The following ROBO2 variants were observed in gnomAD, a reference collection of about 807,000 sequenced individuals.
ROBO2 encodes roundabout guidance receptor 2.
ROBO2 carries 53 observed loss-of-function variants against 160.8 expected under a neutral mutation model. The ratio of observed to expected loss-of-function variants is 0.33; its 90% CI spans 0.26 to 0.41. The LOEUF (loss-of-function observed/expected upper bound fraction) is 0.41, where lower values mean the gene tolerates loss of function less well. ROBO2 is among the 10% of genes least tolerant of loss of function. The probability of loss-of-function intolerance (pLI) is 1.00; values close to 1 mark genes in which losing one functional copy is unlikely to be tolerated. For missense variants in ROBO2, 1,577 were observed against 1,722.4 expected (o/e 0.92, Z 1.49); for synonymous variants, 664 against 611.7 (o/e 1.09, Z -1.26).
chr3:76,808,925 G>A (rs1300907217), intron 2 of ROBO2, among the ~76,000 whole-genome samples: 1 of 152,068 alleles, frequency 6.6e-6, no homozygotes, highest in South Asian at 2.1e-4. Context: ...TGGAAATATA[G>A]CACTAACCTT....
intron 2 of ROBO2, among the ~76,000 whole-genome samples, chr3:76,781,984 G>A (rs1481552738): frequency 6.6e-6 from 1 of 150,678 alleles, no homozygotes; most frequent in Non-Finnish European, 1.5e-5. Context: ...GAAGCCATCG[G>A]ATCATGGCTT....
chr3:77,368,386 G>GA (rs1560640549), intron 2 of ROBO2, among the ~76,000 whole-genome samples: 3 of 151,980 alleles, frequency 2.0e-5, no homozygotes, highest in Admixed American at 6.6e-5. Flanking sequence ...TTGTATCATT[G>GA]AAAAACTTTG....
At chr3:76,211,678 T>C (rs1394990637) in intron 2 of ROBO2, among the ~76,000 whole-genome samples, 1 of 152,106 alleles carries the variant, frequency 6.6e-6, no homozygotes, top group Non-Finnish European at 1.5e-5. Context: ...TACAGACTTT[T>C]AGAGGTATTT....
At position 76,912,293 on chromosome 3, in the gene ROBO2, T is replaced by C. The variant is rs549748718; in HGVS notation, c.110-185721T>C. Among the ~76,000 whole-genome samples, 26 of 152,306 alleles carry C rather than the reference T, an allele frequency of 1.7e-4. No individual in the cohort carries two copies. In the East Asian group the frequency reaches 5.0e-3, roughly 29 times the overall value. ...ACAAGTGAAAATTTTTTAGTTCTAG[T>C]GATACAATAAGGTTTTATATTCAGA... On this transcript the variant is annotated intron_variant, in intron 2 of 26. Transcript: ENST00000487694.
At chr3:75,982,720 G>A (rs550035820) in intron 2 of ROBO2, among the ~76,000 whole-genome samples, 1 of 151,576 alleles carries the variant, frequency 6.6e-6, no homozygotes, top group East Asian at 1.9e-4. Flanking sequence ...GAATGCAAAA[G>A]TTTGGTAACA....
chr3:76,884,120 T>C (rs1005894905), intron 2 of ROBO2, among the ~76,000 whole-genome samples: 4 of 152,234 alleles, frequency 2.6e-5, no homozygotes, highest in Admixed American at 2.6e-4. Context: ...ATATGCTTTT[T>C]TGATAGATGA....
chr3:76,358,685 GT>G (rs1409251905), intron 2 of ROBO2, among the ~76,000 whole-genome samples: 2 of 151,900 alleles, frequency 1.3e-5, no homozygotes, highest in Non-Finnish European at 2.9e-5. Flanking sequence ...CAATATATAT[GT>G]TTCTAAACAT....
intron 2 of ROBO2, among the ~76,000 whole-genome samples, chr3:76,467,568 G>T (rs1359235131): frequency 6.6e-6 from 1 of 152,072 alleles, no homozygotes; most frequent in African/African-American, 2.4e-5. Flanking sequence ...TGCCATTTCT[G>T]AGCCAGACAA....
At chr3:76,954,258 A>C (rs1247662839) in intron 2 of ROBO2, among the ~76,000 whole-genome samples, 1 of 152,030 alleles carries the variant, frequency 6.6e-6, no homozygotes, top group African/African-American at 2.4e-5. Context: ...ATGTCCCAAT[A>C]GGTTTTCTTT....
At chr3:77,066,969 C>T (rs2066912273) in intron 1 of ROBO2, among the ~76,000 whole-genome samples, 2 of 150,332 alleles carry the variant, frequency 1.3e-5, no homozygotes, top group South Asian at 2.1e-4. Flanking sequence ...ATTCTTTTCC[C>T]CTCCCCCCTC....
intron 2 of ROBO2, among the ~76,000 whole-genome samples, chr3:76,692,331 C>T (rs1296798854): frequency 3.3e-5 from 5 of 152,070 alleles, no homozygotes; most frequent in African/African-American, 1.2e-4. Context: ...ATTGGATTAA[C>T]CCCAAAACCT....
intron 14 of ROBO2, 115 bp downstream of exon 15, chr3:77,574,845 G>A: frequency 2.5e-6 from 2 of 785,738 alleles, no homozygotes; most frequent in South Asian, 1.6e-5. Flanking sequence ...AGTAAATTGA[G>A]GAAGTGTCGT....
chr3:77,449,515 A>C (rs1341993091), intron 2 of ROBO2, among the ~76,000 whole-genome samples: 1 of 152,028 alleles, frequency 6.6e-6, no homozygotes, highest in Admixed American at 6.6e-5. Flanking sequence ...AGTTTCATTC[A>C]AAAAAGGGAA....
chr3:76,479,118 T>C (rs1019089665), intron 2 of ROBO2, among the ~76,000 whole-genome samples: 3 of 152,204 alleles, frequency 2.0e-5, no homozygotes, highest in Admixed American at 6.6e-5. Context: ...TCCTTTCACA[T>C]ATCTTAACAA....
At chr3:76,937,443 CAG>C (rs1412946217) in intron 2 of ROBO2, among the ~76,000 whole-genome samples, 2 of 152,110 alleles carry the variant, frequency 1.3e-5, no homozygotes, top group East Asian at 1.9e-4. Flanking sequence ...CAGCTATAAT[CAG>C]AGTCTATTAT....
chr3:77,588,733 C>T lies in ROBO2; in HGVS notation c.2501-18C>T. ...ATTTTCGTTTTAATATATACTAATACTATGGTTTTTTCCATAGGGAGACGC... is the reference window on the plus strand; with the variant it reads ...ATTTTCGTTTTAATATATACTAATATTATGGTTTTTTCCATAGGGAGACGC... On this transcript the variant is annotated intron_variant, in intron 16 of 25. Transcript: ENST00000461745. 3.7e-6 allele frequency: 6 copies of T among 1,610,320 alleles called. No homozygotes were observed. Among genetic ancestry groups the T allele is most frequent in the Non-Finnish European group, 5.1e-6 (6 of 1,177,342 alleles).
At chr3:76,886,529 C>T (rs535507242) in intron 2 of ROBO2, among the ~76,000 whole-genome samples, 23 of 152,204 alleles carry the variant, frequency 1.5e-4, no homozygotes, top group Admixed American at 3.9e-4. Flanking sequence ...TGTAGGTTTT[C>T]CTTCTTTGCA....
At chr3:77,120,001 G>A (rs1233397524) in intron 2 of ROBO2, among the ~76,000 whole-genome samples, 2 of 152,184 alleles carry the variant, frequency 1.3e-5, no homozygotes, top group Admixed American at 1.3e-4. Context: ...TTGAATGACT[G>A]TTATGATAGA....
intron 2 of ROBO2, among the ~76,000 whole-genome samples, chr3:75,985,219 G>T (rs753487727): frequency 4.6e-5 from 7 of 151,322 alleles, no homozygotes; most frequent in Non-Finnish European, 7.4e-5. Context: ...TATTATCATG[G>T]TTCTCACCTG....
Sources: gnomAD v4.1 joint callset for allele counts (sites outside exome capture counted in the v4.1 genomes callset) on GRCh38, gnomAD v4.1.1 for gene constraint, MANE v1.5 for transcripts, NCBI Gene and HGNC (gene_info 2026-07-23, HGNC 2026-07-21) for gene names.